The following EDARADD variants were observed in gnomAD, a reference collection of about 807,000 sequenced individuals.
EDARADD encodes the protein EDAR associated via death domain.
EDARADD carries 20 observed loss-of-function variants against 25.6 expected under a neutral mutation model. That is an observed-to-expected ratio of 0.78 (90% confidence interval 0.55 to 1.14). The LOEUF (loss-of-function observed/expected upper bound fraction) is 1.14. Ranked by LOEUF, EDARADD falls within the 50% of genes most tolerant of loss-of-function variation. The pLI is 0.00. For missense variants in EDARADD, 225 were observed against 270.1 expected (o/e 0.83, Z 1.17); for synonymous variants, 86 against 94.4 (o/e 0.91, Z 0.52).
chr1:236,406,087 A>C (rs1026232839), intron 1 of EDARADD, among the ~76,000 whole-genome samples: 5 of 151,270 alleles, frequency 3.3e-5, no homozygotes, highest in Non-Finnish European at 7.4e-5. Flanking sequence ...ATTTACCTGA[A>C]ATTTCACTGT....
At chr1:236,409,170 A>G (rs752504949) in intron 1 of EDARADD, 46 bp from the exon 2 acceptor site, 2 of 1,510,328 alleles carry the variant, frequency 1.3e-6, no homozygotes, top group South Asian at 2.3e-5. Context: ...GTGGTTTTAA[A>G]TTAAAGCAAA....
intron 3 of EDARADD, among the ~76,000 whole-genome samples, chr1:236,359,087 T>C (rs910839304): frequency 3.3e-5 from 5 of 152,184 alleles, no homozygotes; most frequent in African/African-American, 1.2e-4. Flanking sequence ...CTAAGCACAG[T>C]TGTAAAAGAG....
intron 4 of EDARADD, among the ~76,000 whole-genome samples, chr1:236,436,093 C>T (rs1418636823): frequency 6.6e-6 from 1 of 151,614 alleles, no homozygotes; most frequent in Non-Finnish European, 1.5e-5. Flanking sequence ...TGCTTGAGAC[C>T]AGGAGTTCAA....
At chr1:236,475,381 T>C (rs909075977) in intron 5 of EDARADD, among the ~76,000 whole-genome samples, 1 of 152,240 alleles carries the variant, frequency 6.6e-6, no homozygotes, top group African/African-American at 2.4e-5. Context: ...TAATTAGAGT[T>C]TGTGATTCTA....
intron 3 of EDARADD, among the ~76,000 whole-genome samples, chr1:236,376,824 C>G (rs577041680): frequency 6.6e-6 from 1 of 152,104 alleles, no homozygotes; most frequent in South Asian, 2.1e-4. Flanking sequence ...TAGTAGTTGT[C>G]TTACAGTTCT....
intron 3 of EDARADD, among the ~76,000 whole-genome samples, chr1:236,374,566 C>T (rs1006368864): frequency 1.3e-5 from 2 of 152,210 alleles, no homozygotes; most frequent in African/African-American, 2.4e-5. Flanking sequence ...CTGTTTTTGC[C>T]TTGTGCATTT....
upstream of EDARADD, among the ~76,000 whole-genome samples, chr1:236,390,944 G>GTTATTATTATTA (rs1444904196): frequency 6.7e-6 from 1 of 150,000 alleles, no homozygotes; most frequent in Non-Finnish European, 1.5e-5. Flanking sequence ...TGGGTTAGTT[G>GTTATTATTATTA]TTATTATTAT....
Position 236,483,260 on chromosome 1 carries a change from A to T in EDARADD, c.*611A>T. Reference sequence around the variant, plus strand: ...TCTTCACCTCAGAAGGTCTCTTCAGAGCTGCTGTGCCCAGTGGTGCTTCAA... The same window carrying T: ...TCTTCACCTCAGAAGGTCTCTTCAGTGCTGCTGTGCCCAGTGGTGCTTCAA... On this transcript the variant is annotated 3_prime_UTR_variant, in exon 6 of 6. Coordinates refer to ENST00000334232, the MANE Select transcript of EDARADD (RefSeq NM_145861.4). 3 of 1,599,984 alleles carry T rather than the reference A, an allele frequency of 1.9e-6. No individual in the cohort carries two copies. Among genetic ancestry groups the T allele is most frequent in the Non-Finnish European group, 2.6e-6 (3 of 1,169,502 alleles).
chr1:236,459,156 G>A (rs572080203), intron 4 of EDARADD, among the ~76,000 whole-genome samples: 49 of 152,156 alleles, frequency 3.2e-4, no homozygotes, highest in Non-Finnish European at 6.5e-4. Flanking sequence ...CCTTTTGCCC[G>A]TGTTCTAGCA....
In EDARADD at chr1:236,441,523, T is replaced by TTA. The variant is rs1553268195; in HGVS notation, c.219+14085_219+14086dup. 1.6e-4 allele frequency among the ~76,000 whole-genome samples: 24 copies of TTA among 146,538 alleles called. No homozygotes were observed. The East Asian group carries it at 2.1e-3, about 13-fold the overall frequency. On this transcript the variant is annotated intron_variant, in intron 4 of 5. Transcript: ENST00000334232. Reference sequence around the variant, plus strand: ...TAATATGTAATATAATATTTATATATTATATATATATATTTTTTGAGATGG... The same window carrying TTA: ...TAATATGTAATATAATATTTATATATTATATATATATATATTTTTTGAGATGG...
chr1:236,418,130 T>C (rs1248006529), intron 3 of EDARADD, among the ~76,000 whole-genome samples: 5 of 151,872 alleles, frequency 3.3e-5, no homozygotes, highest in African/African-American at 1.2e-4. Flanking sequence ...ATTTTTTGTA[T>C]TTTTAGTAAA....
intron 3 of EDARADD, among the ~76,000 whole-genome samples, chr1:236,373,072 C>T (rs774754258): frequency 4.7e-5 from 7 of 149,218 alleles, no homozygotes; most frequent in South Asian, 2.1e-4. Context: ...CTTGCCACCA[C>T]GCCTGGCTAA....
At chr1:236,425,983 T>G (rs1224434871) in intron 3 of EDARADD, among the ~76,000 whole-genome samples, 2 of 152,062 alleles carry the variant, frequency 1.3e-5, no homozygotes, top group Non-Finnish European at 2.9e-5. Flanking sequence ...TTTTTTTTAT[T>G]TTTTTATTTT....
chr1:236,424,217 G>A (rs1040920808), intron 3 of EDARADD, among the ~76,000 whole-genome samples: 8 of 145,420 alleles, frequency 5.5e-5, no homozygotes, highest in South Asian at 2.2e-4. Context: ...GCTGGGGTGC[G>A]GTGGTGTGAT....
chr1:236,427,476 A>T, intron 4 of EDARADD, 26 bp downstream of exon 4: 2 of 1,596,336 alleles, frequency 1.3e-6, no homozygotes, highest in South Asian at 2.3e-5. Context: ...ACTATATTTT[A>T]CCCTTAGGTA....
At chr1:236,459,611 C>CTTTT (rs397860471) in intron 4 of EDARADD, among the ~76,000 whole-genome samples, 5 of 100,482 alleles carry the variant, frequency 5.0e-5, no homozygotes, top group East Asian at 3.0e-4. Context: ...TTATTTAGCT[C>CTTTT]TTTTTTTTTT....
At chr1:236,414,380 T>C in intron 3 of EDARADD, 81 bp downstream of exon 3, 1 of 1,159,032 alleles carries the variant, frequency 8.6e-7, no homozygotes, top group Non-Finnish European at 1.3e-6. Context: ...TAATTTTTCA[T>C]TATTTAAAAT....
rs527719810 is a variant in EDARADD, at chr1:236,350,391, G to A, written c.-141-313G>A. 1.3e-5 allele frequency among the ~76,000 whole-genome samples: 2 copies of A among 152,222 alleles called. 1 individual carries two copies. Among genetic ancestry groups the A allele is most frequent in the South Asian group, 4.1e-4 (2 of 4,820 alleles). ...GGGCAAGATTAAAACAAAAAATCAG[G>A]TCTTAGTCCTCAGGTGTGTGCCACC... is the stretch of plus-strand genomic sequence containing the variant. On this transcript the variant is annotated intron_variant, in intron 2 of 7. Coordinates refer to the EDARADD transcript ENST00000439430.
chr1:236,417,401 T>C (rs1657667273), intron 3 of EDARADD, among the ~76,000 whole-genome samples: 1 of 152,214 alleles, frequency 6.6e-6, no homozygotes, highest in African/African-American at 2.4e-5. Flanking sequence ...GTGGCCAGAA[T>C]AGATTGGTTT....
Sources: allele counts gnomAD v4.1 joint callset (sites outside exome capture counted in the v4.1 genomes callset), GRCh38; gene constraint gnomAD v4.1.1; transcripts MANE v1.5; gene names NCBI Gene and HGNC (gene_info 2026-07-23, HGNC 2026-07-21).